Variants in PHETA2 observed in about 807,000 individuals in gnomAD.
PHETA2 encodes the protein sesquipedalian-2.
For synonymous variants in PHETA2, 133 were observed against 142.9 expected (o/e 0.93, Z 0.50); for missense variants, 321 against 341.3 (o/e 0.94, Z 0.47).
In PHETA2 at chr22:42,078,157, G is replaced by GA; in HGVS notation, c.*85dup. 7.0e-7 allele frequency: 1 copy of GA among 1,422,684 alleles called. No individual in the cohort carries two copies. The highest frequency in any genetic ancestry group is 9.3e-7 in the Non-Finnish European group (1 of 1,073,780). 88.1% of individuals were successfully genotyped at this position (1,422,684 alleles called of 1,614,324 possible). A position where few individuals can be genotyped will look rare whatever the true frequency, so the allele number is the denominator to read the frequency against. ...ACCCATTTCCAAGGTTGCGTTTTGGGAGGGGACATGGGTTCTCTCCTTCCT... is the reference window on the plus strand; with the variant it reads ...ACCCATTTCCAAGGTTGCGTTTTGGGAAGGGGACATGGGTTCTCTCCTTCCT... On this transcript the variant is annotated 3_prime_UTR_variant, in exon 3 of 3. Coordinates refer to ENST00000321753, the MANE Select transcript of PHETA2 (RefSeq NM_001002034.3).
At chr22:42,074,480 C>T (rs1325474842) in intron 1 of PHETA2, 139 bp downstream of exon 1, 1 of 152,308 alleles carries the variant, frequency 6.6e-6, no homozygotes, top group East Asian at 1.9e-4. Context: ...GAGGTGACCT[C>T]TGTTTAGGGC....
At position 42,077,923 on chromosome 22, in the gene PHETA2, A is replaced by C. The variant is rs193003847; in HGVS notation, c.630A>C (p.Leu210=). ...TGCAGGGCCCTGCCAGCCTCCTCCT[A>C]GGCAAGGGGCAGAGCCCTGTGTCCC... ...WELQGPASLL[L]GKGQSPVSPE... The change falls in exon 3 of 3, where the codon CTA becomes CTC. Residue 210 remains leucine (L), a synonymous_variant. Coordinates refer to ENST00000321753, the MANE Select transcript of PHETA2 (RefSeq NM_001002034.3). The C allele has an allele frequency of 1.1e-4, 176 of 1,613,198 alleles. No individual in the cohort carries two copies. The highest frequency in any genetic ancestry group is 8.3e-5 in the Non-Finnish European group (98 of 1,179,640).
chr22:42,077,313 G>A lies in PHETA2; in HGVS notation c.20G>A (p.Ser7Asn), dbSNP rs753535017. 7 of 1,536,282 alleles carry A rather than the reference G, an allele frequency of 4.6e-6. No individual in the cohort carries two copies. The East Asian group carries it at 1.1e-4, about 25-fold the overall frequency. ...GGAGCCATGAAGCTGAACGAGAGGAGTGTAGCCCACTATGCACTCAGCGAC... is the reference window on the plus strand; with the variant it reads ...GGAGCCATGAAGCTGAACGAGAGGAATGTAGCCCACTATGCACTCAGCGAC... MKLNER[S>N]VAHYALSDSP... The change falls in exon 3 of 3, where the codon AGT becomes AAT. Residue 7 changes from serine to asparagine, a missense_variant. Physicochemically the swap from Ser to Asn is conservative, Grantham distance 46. Coordinates refer to ENST00000321753, the MANE Select transcript of PHETA2 (RefSeq NM_001002034.3).
In PHETA2 at chr22:42,077,381, C is replaced by T; in HGVS notation, c.88C>T (p.Pro30Ser). 5 of 1,602,230 alleles carry T rather than the reference C, an allele frequency of 3.1e-6. 1 individual carries two copies. The highest frequency in any genetic ancestry group is 1.3e-5 in the African/African-American group (1 of 74,902). Residue 30 changes from proline to serine, a missense_variant, in exon 3 of 3, where the codon CCA becomes TCA. Physicochemically the swap from Pro to Ser is moderately conservative, Grantham distance 74. Coordinates refer to ENST00000321753, the MANE Select transcript of PHETA2 (RefSeq NM_001002034.3). ...GGGCTTCCTGCGCACCTGGGGGGGC[C>T]CAGGGACCCCACCGACCCCCAGTGG... ...HMGFLRTWGG[P>S]GTPPTPSGTG...
Position 42,077,771 on chromosome 22 carries a change from C to T in PHETA2, c.478C>T (p.Gln160Ter). ...GTCTGTTGCCAGCCGCTGTAAGCCCCAGGCTCCTAACCACCGAGCTGCGGG... is the reference window on the plus strand; with the variant it reads ...GTCTGTTGCCAGCCGCTGTAAGCCCTAGGCTCCTAACCACCGAGCTGCGGG... Reference protein sequence around the residue: ...WKSVASRCKPQAPNHRAAGLE... With the variant: ...WKSVASRCKP Residue 160 changes from glutamine to a stop codon, truncating the protein, a stop_gained, in exon 3 of 3, where the codon CAG (glutamine) becomes TAG (stop). Coordinates refer to ENST00000321753, the MANE Select transcript of PHETA2 (RefSeq NM_001002034.3). LOFTEE classifies it low-confidence loss of function (END_TRUNC). 6.2e-7 allele frequency: 1 copy of T among 1,613,064 alleles called. No individual in the cohort carries two copies.
rs943779659 is a variant in PHETA2 at position 42,078,575 on chromosome 22, C to T, written c.*502C>T. On this transcript the variant is annotated 3_prime_UTR_variant, in exon 3 of 3. Coordinates refer to ENST00000321753, the MANE Select transcript of PHETA2 (RefSeq NM_001002034.3). ...TAGGAGTTTCTGGGACCCAGCTCTT[C>T]CTGAGAGGGGTGGGAAGATTGGGGA... 5.9e-6 allele frequency: 1 copy of T among 168,080 alleles called. No homozygotes were observed. Among genetic ancestry groups the T allele is most frequent in the Non-Finnish European group, 1.5e-5 (1 of 68,930 alleles). The allele number at this position is 168,080 out of a possible 1,614,324, so 10.4% of individuals were successfully genotyped here.
At position 42,077,842 on chromosome 22, in the gene PHETA2, C is replaced by T. The variant is rs1289320286; in HGVS notation, c.549C>T (p.Gly183=). Residue 183 remains glycine, a synonymous_variant, in exon 3 of 3, where the codon GGC becomes GGT. Coordinates refer to ENST00000321753, the MANE Select transcript of PHETA2 (RefSeq NM_001002034.3). ...HCLSKDSSPV[G]LVEEAGSRSA... ...TCTCCAAGGACAGCAGCCCTGTGGG[C>T]TTGGTTGAAGAAGCGGGCAGCAGGT... The T allele has an allele frequency of 1.2e-6, 2 of 1,613,224 alleles. No individual in the cohort carries two copies. The highest frequency in any genetic ancestry group is 2.7e-5 in the African/African-American group (2 of 74,956).
chr22:42,077,678 C>A lies in PHETA2; in HGVS notation c.385C>A (p.Arg129Ser). The change falls in exon 3 of 3, where the codon CGC becomes AGC. Residue 129 changes from arginine to serine, a missense_variant. Coordinates refer to ENST00000321753, the MANE Select transcript of PHETA2 (RefSeq NM_001002034.3). ...CTTTGGCTACATGCGCCTGGTGGTACGCGAGTTGGAGAGCCAGTTGCAGGA... is the reference window on the plus strand; with the variant it reads ...CTTTGGCTACATGCGCCTGGTGGTAAGCGAGTTGGAGAGCCAGTTGCAGGA... ...ASFGYMRLVV[R>S]ELESQLQDAR... 1 of 1,614,178 alleles carries A rather than the reference C, an allele frequency of 6.2e-7. No individual in the cohort carries two copies. The highest frequency in any genetic ancestry group is 8.5e-7 in the Non-Finnish European group (1 of 1,180,036).
At position 42,077,470 on chromosome 22, in the gene PHETA2, G is replaced by C; in HGVS notation, c.177G>C (p.Glu59Asp). ...GNLLFSFESR[E>D]GRAPLSLVVL... is the part of the protein sequence containing the mutation. ...TGCTATTCTCCTTTGAGAGTCGCGA[G>C]GGCCGGGCCCCACTGAGCCTGGTGG... is the stretch of plus-strand genomic sequence containing the variant. Residue 59 changes from glutamate to aspartate, a missense_variant, in exon 3 of 3, where the codon GAG becomes GAC. By Grantham distance (45) the Glu-to-Asp change is conservative. Transcript: ENST00000321753. The C allele has an allele frequency of 6.2e-7, 1 of 1,614,112 alleles. No homozygotes were observed. Among genetic ancestry groups the C allele is most frequent in the Non-Finnish European group, 8.5e-7 (1 of 1,180,026 alleles).
At position 42,078,249 on chromosome 22, in the gene PHETA2, T is replaced by G; in HGVS notation, c.*176T>G. The G allele has an allele frequency of 1.5e-6, 1 of 658,748 alleles. No homozygotes were observed. The highest frequency in any genetic ancestry group is 2.5e-6 in the Non-Finnish European group (1 of 402,128). 40.8% of individuals were successfully genotyped at this position (658,748 alleles called of 1,614,324 possible). A position where few individuals can be genotyped will look rare whatever the true frequency, so the allele number is the denominator to read the frequency against. On this transcript the variant is annotated 3_prime_UTR_variant, in exon 3 of 3. Transcript: ENST00000321753. ...CTGGAAGGGACTGCGGGACCATTCC[T>G]TCCATCCTCTTTATTTCCTGAGGTC... is the stretch of plus-strand genomic sequence containing the variant.
intron 2 of PHETA2, among the ~76,000 whole-genome samples, chr22:42,076,367 G>A (rs1365952216): frequency 1.3e-5 from 2 of 151,866 alleles, no homozygotes; most frequent in African/African-American, 4.8e-5. Flanking sequence ...CACAATCTTG[G>A]CTCACTGCAA....
chr22:42,077,675 G>A lies in PHETA2; in HGVS notation c.382G>A (p.Val128Ile). 6.2e-7 allele frequency: 1 copy of A among 1,614,192 alleles called. No homozygotes were observed. The highest frequency in any genetic ancestry group is 8.5e-7 in the Non-Finnish European group (1 of 1,180,040). ...RASFGYMRLV[V>I]RELESQLQDA... ...AAGCTTTGGCTACATGCGCCTGGTG[G>A]TACGCGAGTTGGAGAGCCAGTTGCA... Residue 128 changes from valine (V) to isoleucine (I), a missense_variant, in exon 3 of 3, where the codon GTA becomes ATA. Physicochemically the swap from Val to Ile is conservative, Grantham distance 29. Transcript: ENST00000321753.
chr22:42,074,328 AT>A lies in PHETA2; in HGVS notation c.-109del, dbSNP rs1364951489. On this transcript the variant is annotated 5_prime_UTR_variant, in exon 1 of 3. Coordinates refer to ENST00000321753, the MANE Select transcript of PHETA2 (RefSeq NM_001002034.3). ...GATCGCCCTCTTGGGCTTCGGTGCGATCGGCGGCGGGAGGTGAGAGTGGGCC... is the reference window on the plus strand; with the variant it reads ...GATCGCCCTCTTGGGCTTCGGTGCGACGGCGGCGGGAGGTGAGAGTGGGCC... 6.6e-6 allele frequency: 1 copy of A among 152,318 alleles called. No individual in the cohort carries two copies. The highest frequency in any genetic ancestry group is 1.5e-5 in the Non-Finnish European group (1 of 68,178). The allele number at this position is 152,318 out of a possible 1,614,324, so 9.4% of individuals were successfully genotyped here. A position where few individuals can be genotyped will look rare whatever the true frequency, so the allele number is the denominator to read the frequency against.
At position 42,075,183 on chromosome 22, in the gene PHETA2, G is replaced by T. The variant is rs1927236379; in HGVS notation, c.-96-388G>T. Reference sequence around the variant, plus strand: ...GAAGGAAACAAACCAGAAATGGGGGGGTCTACTGGTCAGGTGACCTTAGGT... The same window carrying T: ...GAAGGAAACAAACCAGAAATGGGGGTGTCTACTGGTCAGGTGACCTTAGGT... On this transcript the variant is annotated intron_variant, in intron 1 of 2. Transcript: ENST00000321753. The surrounding 1 kb of genome is among the most constrained non-coding windows in gnomAD (Gnocchi z 4.8). Among the ~76,000 whole-genome samples, 1 of 152,134 alleles carries T rather than the reference G, an allele frequency of 6.6e-6. No individual in the cohort carries two copies. Among genetic ancestry groups the T allele is most frequent in the Admixed American group, 6.5e-5 (1 of 15,282 alleles).
intron 1 of PHETA2, among the ~76,000 whole-genome samples, chr22:42,074,719 A>C (rs1488218277): frequency 6.6e-6 from 1 of 150,704 alleles, no homozygotes; most frequent in Non-Finnish European, 1.5e-5. Context: ...CCTGTGCCCC[A>C]GTGCTGGGCC....
At chr22:42,076,703 C>T (rs1022125448) in intron 2 of PHETA2, among the ~76,000 whole-genome samples, 2 of 152,216 alleles carry the variant, frequency 1.3e-5, no homozygotes, top group Admixed American at 6.5e-5. Context: ...GCACACCCCA[C>T]GGCAACTTAG....
At chr22:42,076,878 C>G (rs766345530) in intron 2 of PHETA2, among the ~76,000 whole-genome samples, 5 of 151,996 alleles carry the variant, frequency 3.3e-5, no homozygotes, top group Admixed American at 6.6e-5. Context: ...AGCTTGGCCT[C>G]AGAGTTGGAG....
chr22:42,078,431 C>G lies in PHETA2; in HGVS notation c.*358C>G, dbSNP rs564864046. ...GCTTGCCATACCTTTGGCCTACACA[C>G]CGGGCTCTAGAGCCATAATTTCCAA... On this transcript the variant is annotated 3_prime_UTR_variant, in exon 3 of 3. Transcript: ENST00000321753. 1 of 261,470 alleles carries G rather than the reference C, an allele frequency of 3.8e-6. No individual in the cohort carries two copies. The highest frequency in any genetic ancestry group is 7.7e-6 in the Non-Finnish European group (1 of 129,308). 16.2% of individuals were successfully genotyped at this position (261,470 alleles called of 1,614,324 possible).
At position 42,078,034 on chromosome 22, in the gene PHETA2, G is replaced by A. The variant is rs1927398202; in HGVS notation, c.741G>A (p.Gln247=). The A allele has an allele frequency of 1.1e-5, 17 of 1,608,000 alleles. No individual in the cohort carries two copies. The highest frequency in any genetic ancestry group is 1.4e-5 in the Non-Finnish European group (17 of 1,177,398). ...GGCAGTGTTGGCAGAAGAGGGCCCA[G>A]GGGAGCCACTCAAAATGTGAGGAAC... The part of the protein sequence containing the change: ...ELRQCWQKRA[Q]GSHSKCEEQD... The change falls in exon 3 of 3, where the codon CAG becomes CAA. Residue 247 remains glutamine (Q), a synonymous_variant. Transcript: ENST00000321753.
Sources: allele counts gnomAD v4.1 joint callset (sites outside exome capture counted in the v4.1 genomes callset), GRCh38; gene constraint gnomAD v4.1.1; non-coding constraint Gnocchi (gnomAD v3.1); transcripts MANE v1.5; gene names NCBI Gene and HGNC (gene_info 2026-07-23, HGNC 2026-07-21).